The following GMDS variants were observed in gnomAD, a reference collection of about 807,000 sequenced individuals.
The protein encoded by GMDS is GDP-mannose 4,6-dehydratase, also known as GDP-mannose 4,6 dehydratase.
In GMDS, 20 loss-of-function variants were observed where a neutral mutation model predicts 49.9. The observed-to-expected ratio is 0.40, with a 90% CI of 0.28 to 0.58. GMDS has a LOEUF of 0.58. Ranked by LOEUF, GMDS falls within the 20% of genes least tolerant of loss-of-function variation. The pLI, the probability that GMDS is intolerant of heterozygous loss-of-function variation, is 0.42. For missense variants in GMDS, 362 were observed against 481.4 expected, an observed-to-expected ratio of 0.75 and a Z score of 2.32; for synonymous variants, 177 against 178.6, an observed-to-expected ratio of 0.99 and a Z score of 0.07.
At chr6:1,763,478 CCTTA>C (rs1195006835) in intron 7 of GMDS, among the ~76,000 whole-genome samples, 1 of 152,326 alleles carries the variant, frequency 6.6e-6, no homozygotes, top group South Asian at 2.1e-4. Flanking sequence ...AGGGCGCTGC[CCTTA>C]CTGTCTGGCG....
At chr6:1,913,388 CAAAAA>C (rs56262461) in intron 7 of GMDS, among the ~76,000 whole-genome samples, 1 of 103,938 alleles carries the variant, frequency 9.6e-6, no homozygotes, top group African/African-American at 3.7e-5. Flanking sequence ...CTCAAACAAA[CAAAAA>C]AAAAAAAAAA....
chr6:2,130,378 G>C (rs1775668606), intron 1 of GMDS, among the ~76,000 whole-genome samples: 1 of 152,174 alleles, frequency 6.6e-6, no homozygotes, highest in Non-Finnish European at 1.5e-5. Flanking sequence ...TCCTGATACA[G>C]AGAAGCACTG....
At chr6:2,175,784 T>G (rs1778254885) in intron 1 of GMDS, 1 of 567,852 alleles carries the variant, frequency 1.8e-6, no homozygotes, top group East Asian at 2.9e-5. Flanking sequence ...ATTATTATTT[T>G]TATAGCTAAC....
rs1765784909 is a variant in GMDS, at chr6:1,989,448, GAAGAAAGGCT to G, written c.346-28492_346-28483del. Among the ~76,000 whole-genome samples, 5 of 152,208 alleles carry G rather than the reference GAAGAAAGGCT, an allele frequency of 3.3e-5. No individual in the cohort carries two copies. In the South Asian group the frequency reaches 8.3e-4, roughly 25 times the overall value. ...AGAGGGTAACCCTGAGATCCCCAAAGAAGAAAGGCTAAGAAAGGCTTTGTGTTCACATGTT... is the reference window on the plus strand; with the variant it reads ...AGAGGGTAACCCTGAGATCCCCAAAGAAGAAAGGCTTTGTGTTCACATGTT... On this transcript the variant is annotated intron_variant, in intron 4 of 10. Coordinates refer to ENST00000380815, the MANE Select transcript of GMDS (RefSeq NM_001500.4).
chr6:1,877,395 T>A (rs1032193295), intron 7 of GMDS, among the ~76,000 whole-genome samples: 3 of 152,036 alleles, frequency 2.0e-5, no homozygotes, highest in African/African-American at 7.2e-5. Context: ...ATCTCAGTAC[T>A]TTGAGAGGCC....
intron 7 of GMDS, among the ~76,000 whole-genome samples, chr6:1,901,202 C>T (rs1183625989): frequency 1.3e-5 from 2 of 152,164 alleles, no homozygotes; most frequent in African/African-American, 4.8e-5. Flanking sequence ...CACATGGTGC[C>T]CAATATTCCG....
chr6:2,067,065 T>C (rs1348075121), intron 4 of GMDS, among the ~76,000 whole-genome samples: 1 of 151,326 alleles, frequency 6.6e-6, no homozygotes. Context: ...ACAAACTATC[T>C]CTCAGACCAC....
intron 6 of GMDS, among the ~76,000 whole-genome samples, chr6:1,934,820 T>TA (rs1489400552): frequency 1.3e-5 from 2 of 152,092 alleles, no homozygotes; most frequent in African/African-American, 4.8e-5. Flanking sequence ...AGAAACTATA[T>TA]AAAAGCATAG....
chr6:1,908,748 T>C (rs920464021), intron 7 of GMDS, among the ~76,000 whole-genome samples: 2 of 152,244 alleles, frequency 1.3e-5, no homozygotes, highest in East Asian at 3.8e-4. Context: ...CTACGGCTGT[T>C]TGCTCAGACA....
intron 7 of GMDS, among the ~76,000 whole-genome samples, chr6:1,923,519 C>T (rs1262262248): frequency 6.6e-6 from 1 of 152,212 alleles, no homozygotes; most frequent in Non-Finnish European, 1.5e-5. Context: ...ACCAGAGCAG[C>T]TGGTCTTGCT....
intron 9 of GMDS, among the ~76,000 whole-genome samples, chr6:1,711,049 A>G (rs1301083903): frequency 6.6e-6 from 1 of 152,232 alleles, no homozygotes; most frequent in East Asian, 1.9e-4. Context: ...TTTTCTCCGC[A>G]TGGACAGCTG....
At chr6:2,020,876 T>A (rs765843667) in intron 4 of GMDS, among the ~76,000 whole-genome samples, 2 of 152,238 alleles carry the variant, frequency 1.3e-5, no homozygotes, top group Non-Finnish European at 2.9e-5. Context: ...AAACAGCACA[T>A]GCAGGGTTAC....
chr6:1,652,556 A>G, intron 9 of GMDS, among the ~76,000 whole-genome samples: 2 of 13,230 alleles, frequency 1.5e-4, no homozygotes, highest in Admixed American at 3.7e-3. Flanking sequence ...ATAATATATT[A>G]TATATATTAT....
intron 8 of GMDS, among the ~76,000 whole-genome samples, chr6:1,730,375 T>G (rs1766743980): frequency 6.6e-6 from 1 of 152,212 alleles, no homozygotes; most frequent in Admixed American, 6.5e-5. Flanking sequence ...GCAGAAGTCC[T>G]AGAAAAGTCT....
At chr6:1,676,422 G>GA (rs1278270386) in intron 9 of GMDS, among the ~76,000 whole-genome samples, 1 of 152,082 alleles carries the variant, frequency 6.6e-6, no homozygotes, top group Non-Finnish European at 1.5e-5. Flanking sequence ...CATAGAATTG[G>GA]AAAAAACTAC....
intron 8 of GMDS, among the ~76,000 whole-genome samples, chr6:1,732,929 A>G (rs749002242): frequency 6.6e-6 from 1 of 152,236 alleles, no homozygotes; most frequent in Non-Finnish European, 1.5e-5. Flanking sequence ...GATGTGAGTG[A>G]CAAACCCCCT....
At chr6:2,066,749 C>A (rs1429012214) in intron 4 of GMDS, among the ~76,000 whole-genome samples, 8 of 152,052 alleles carry the variant, frequency 5.3e-5, no homozygotes, top group Admixed American at 2.0e-4. Context: ...TACAGGAGCA[C>A]CCAGATTCAT....
At chr6:2,177,149 T>C (rs569984591) in intron 1 of GMDS, among the ~76,000 whole-genome samples, 4 of 152,088 alleles carry the variant, frequency 2.6e-5, no homozygotes, top group Non-Finnish European at 5.9e-5. Flanking sequence ...AAGGGGACCA[T>C]TAAACCACAG....
intron 6 of GMDS, among the ~76,000 whole-genome samples, chr6:1,958,932 T>TA (rs1763788269): frequency 6.6e-6 from 1 of 152,128 alleles, no homozygotes; most frequent in Admixed American, 6.6e-5. Flanking sequence ...ATGATGGGGG[T>TA]ACACATTTTC....
Sources: allele counts gnomAD v4.1 joint callset (sites outside exome capture counted in the v4.1 genomes callset), GRCh38; gene constraint gnomAD v4.1.1; transcripts MANE v1.5; gene names NCBI Gene and HGNC (gene_info 2026-07-23, HGNC 2026-07-21).